Variants in ELAVL2 observed in about 807,000 individuals in gnomAD.
ELAVL2 encodes the protein ELAV-like protein 2.
ELAVL2 carries 4 observed loss-of-function variants against 34.6 expected under a neutral mutation model. The observed-to-expected ratio is 0.12, with a 90% CI of 0.06 to 0.26. The LOEUF (loss-of-function observed/expected upper bound fraction) is 0.26, where lower values mean the gene tolerates loss of function less well. ELAVL2 is among the 10% of genes least tolerant of loss of function. ELAVL2 has a pLI of 1.00. For missense variants in ELAVL2, 432 were observed against 442.8 expected (o/e 0.98, Z 0.22); for synonymous variants, 193 against 154.8 (o/e 1.25, Z -1.83).
intron 1 of ELAVL2, among the ~76,000 whole-genome samples, chr9:23,797,317 CATT>C (rs1366463290): frequency 3.3e-5 from 5 of 152,184 alleles, no homozygotes; most frequent in Non-Finnish European, 7.3e-5. Context: ...TTCTAAATAT[CATT>C]AAACTGATCT....
intron 1 of ELAVL2, among the ~76,000 whole-genome samples, chr9:23,770,180 GA>G (rs1374469100): frequency 6.6e-6 from 1 of 152,098 alleles, no homozygotes; most frequent in Non-Finnish European, 1.5e-5. Flanking sequence ...ACACATAGAA[GA>G]AAACAGTACA....
chr9:23,787,517 C>G (rs1297202945), intron 1 of ELAVL2, among the ~76,000 whole-genome samples: 17 of 151,776 alleles, frequency 1.1e-4, no homozygotes, highest in African/African-American at 3.9e-4. Flanking sequence ...CAGGCATGAG[C>G]CACCACGCCT....
At chr9:23,772,563 C>T (rs1473038550) in intron 1 of ELAVL2, among the ~76,000 whole-genome samples, 1 of 131,514 alleles carries the variant, frequency 7.6e-6, no homozygotes, top group Non-Finnish European at 1.6e-5. Context: ...AAAAAGGCAT[C>T]TAAAATGTCA....
At chr9:23,700,676 A>C (rs2036871068) in intron 5 of ELAVL2, among the ~76,000 whole-genome samples, 2 of 152,182 alleles carry the variant, frequency 1.3e-5, no homozygotes, top group Non-Finnish European at 2.9e-5. Context: ...ATAACCCATA[A>C]AGTTAAATAT....
rs1322365137 is a variant in ELAVL2 at position 23,692,801 on chromosome 9, A to T, written c.836T>A (p.Phe279Tyr). Residue 279 changes from phenylalanine (F) to tyrosine (Y), a missense_variant, in exon 7 of 7, where the codon TTT becomes TAT. This residue lies in a region of ELAVL2 where 295 missense variants were observed against 306.1 expected (regional missense o/e 0.96). Transcript: ENST00000397312. ...PGHPGTGWCIFVYNLAPDADE... is the reference protein window; with the variant it reads ...PGHPGTGWCIYVYNLAPDADE... ...TGCGTCAGGAGCCAGGTTGTACACA[A>T]ATATACACCACCCTGTTCCAGGGTG... 1 of 1,614,174 alleles carries T rather than the reference A, an allele frequency of 6.2e-7. No homozygotes were observed. The highest frequency in any genetic ancestry group is 8.5e-7 in the Non-Finnish European group (1 of 1,180,006).
chr9:23,748,554 G>A (rs1013528307), intron 2 of ELAVL2, among the ~76,000 whole-genome samples: 5 of 152,182 alleles, frequency 3.3e-5, no homozygotes, highest in Non-Finnish European at 5.9e-5. Flanking sequence ...AGTGATAAGA[G>A]ATTGAAGGCA....
intron 3 of ELAVL2, among the ~76,000 whole-genome samples, chr9:23,730,526 C>T (rs999898435): frequency 6.6e-6 from 1 of 152,074 alleles, no homozygotes; most frequent in African/African-American, 2.4e-5. Flanking sequence ...AATACATAAA[C>T]ATCTTATCAA....
the ELAVL2 span, among the ~76,000 whole-genome samples, chr9:23,835,950 G>C: frequency 6.6e-6 from 1 of 152,148 alleles, no homozygotes; most frequent in East Asian, 1.9e-4. Flanking sequence ...TCAAGGTCAA[G>C]CCCAGTCATC....
chr9:23,831,167 T>C (rs1016113023), upstream of ELAVL2, among the ~76,000 whole-genome samples: 3 of 152,222 alleles, frequency 2.0e-5, no homozygotes, highest in Non-Finnish European at 2.9e-5. Flanking sequence ...CGGAGGCTCT[T>C]TCTTATATTG....
chr9:23,693,358 C>T (rs2033889286), intron 6 of ELAVL2, 90 bp downstream of exon 6: 1 of 1,511,184 alleles, frequency 6.6e-7, no homozygotes, highest in Non-Finnish European at 9.1e-7. Context: ...CCAACAAAAA[C>T]TTATGAGGGG....
intron 1 of ELAVL2, among the ~76,000 whole-genome samples, chr9:23,773,196 G>A (rs914354766): frequency 1.3e-5 from 2 of 152,182 alleles, no homozygotes; most frequent in African/African-American, 4.8e-5. Flanking sequence ...TGCTACATAA[G>A]AATGTATATA....
chr9:23,801,962 A>G (rs1422883897), intron 1 of ELAVL2, among the ~76,000 whole-genome samples: 2 of 152,138 alleles, frequency 1.3e-5, no homozygotes, highest in East Asian at 1.9e-4. Flanking sequence ...TACCCACCTA[A>G]TCTCACGACT....
rs554402423 is a variant in ELAVL2, at chr9:23,736,044, A to G, written c.230-4919T>C. ...CTACTTTAATTAAAATTTTAATTGC[A>G]TATTTTAATTAAAAATACACAATCT... is the stretch of plus-strand genomic sequence containing the variant. On this transcript the variant is annotated intron_variant, in intron 2 of 6. Transcript: ENST00000397312. Among the ~76,000 whole-genome samples, 659 of 152,292 alleles carry G rather than the reference A, an allele frequency of 4.3e-3. 4 individuals are homozygous for G. The highest frequency in any genetic ancestry group is 0.014 in the African/African-American group (582 of 41,560).
At chr9:23,754,607 C>T (rs2053077874) in intron 2 of ELAVL2, among the ~76,000 whole-genome samples, 1 of 152,044 alleles carries the variant, frequency 6.6e-6, no homozygotes, top group Admixed American at 6.6e-5. Flanking sequence ...TACAGGCGTG[C>T]AGCACCACCA....
intron 1 of ELAVL2, among the ~76,000 whole-genome samples, chr9:23,805,877 T>G (rs1263555346): frequency 6.6e-6 from 1 of 152,114 alleles, no homozygotes; most frequent in African/African-American, 2.4e-5. Context: ...ACAGCACACT[T>G]TGAAGCGGTA....
At chr9:23,706,304 A>G (rs887830633) in intron 3 of ELAVL2, among the ~76,000 whole-genome samples, 5 of 152,218 alleles carry the variant, frequency 3.3e-5, no homozygotes, top group Non-Finnish European at 1.5e-5. Flanking sequence ...AAACCACATC[A>G]TTCTTGGTCA....
upstream of ELAVL2, among the ~76,000 whole-genome samples, chr9:23,829,295 G>A (rs2065426078): frequency 6.6e-6 from 1 of 152,120 alleles, no homozygotes; most frequent in Non-Finnish European, 1.5e-5. Context: ...CTATATAAGA[G>A]AACATTTATT....
chr9:23,717,519 G>A (rs1257612547), intron 3 of ELAVL2, among the ~76,000 whole-genome samples: 1 of 152,192 alleles, frequency 6.6e-6, no homozygotes, highest in East Asian at 1.9e-4. Flanking sequence ...TCAGATGTAA[G>A]CTTCTCCTAA....
intron 1 of ELAVL2, among the ~76,000 whole-genome samples, chr9:23,777,737 G>A (rs988960264): frequency 6.6e-6 from 1 of 152,160 alleles, no homozygotes; most frequent in African/African-American, 2.4e-5. Flanking sequence ...ATCAATTAAG[G>A]AAGAACAACT....
Sources: gnomAD v4.1 joint callset for allele counts (sites outside exome capture counted in the v4.1 genomes callset) on GRCh38, gnomAD v4.1.1 for gene constraint, gnomAD v4.1.1 regional missense constraint, MANE v1.5 for transcripts, NCBI Gene and HGNC (gene_info 2026-07-23, HGNC 2026-07-21) for gene names.